SUSD1: variants seen among roughly 807,000 people sequenced by gnomAD.
SUSD1 encodes sushi domain containing 1, also known as sushi domain-containing protein 1.
Under a neutral mutation model 86.9 loss-of-function variants are expected in SUSD1, and 65 were observed. The ratio of observed to expected loss-of-function variants is 0.75; its 90% CI spans 0.61 to 0.92. SUSD1 has a LOEUF of 0.92. Among genes scored for constraint, SUSD1 ranks in the 40% least tolerant of loss-of-function variants. The pLI, the probability that SUSD1 is intolerant of heterozygous loss-of-function variation, is 0.00. For missense variants in SUSD1, 850 were observed against 929.7 expected, an observed-to-expected ratio of 0.91 and a Z score of 1.11; for synonymous variants, 346 against 350.0, an observed-to-expected ratio of 0.99 and a Z score of 0.13.
Position 112,069,051 on chromosome 9 carries a change from A to G in SUSD1, c.1754-6018T>C, listed in dbSNP as rs762565960. On this transcript the variant is annotated intron_variant, in intron 12 of 16. Transcript: ENST00000374270. ...AAACATAGGTCTGGAGCCTAGGAGC[A>G]AACCCCATGGTGGAGATACAGAGGC... Among the ~76,000 whole-genome samples, 121 of 152,156 alleles carry G rather than the reference A, an allele frequency of 8.0e-4. 1 individual carries two copies. The highest frequency in any genetic ancestry group is 3.2e-3 in the Middle Eastern group (1 of 316).
At position 112,049,426 on chromosome 9, in the gene SUSD1, A is replaced by G. The variant is rs565881787; in HGVS notation, c.2149+2973T>C. Among the ~76,000 whole-genome samples, 9 of 152,334 alleles carry G rather than the reference A, an allele frequency of 5.9e-5. No individual in the cohort carries two copies. In the South Asian group the frequency reaches 1.9e-3, roughly 32 times the overall value. ...CGACTGAGAACTGGCCAAGTTAAAT[A>G]CTATTTCAAAGACACTTGGCTGATT... is the stretch of plus-strand genomic sequence containing the variant. On this transcript the variant is annotated intron_variant, in intron 15 of 16. Coordinates refer to ENST00000374270, the MANE Select transcript of SUSD1 (RefSeq NM_022486.5).
At chr9:112,152,911 C>T (rs1422454958) in intron 2 of SUSD1, among the ~76,000 whole-genome samples, 2 of 147,688 alleles carry the variant, frequency 1.4e-5, no homozygotes, top group Non-Finnish European at 3.0e-5. Flanking sequence ...CCTGCCACCA[C>T]ACCTGGCTAA....
chr9:112,143,612 A>C lies in SUSD1; in HGVS notation c.385T>G (p.Cys129Gly). Residue 129 changes from cysteine to glycine, a missense_variant, in exon 4 of 17, where the codon TGT (cysteine) becomes GGT (glycine). Transcript: ENST00000374270. Reference sequence around the variant, plus strand: ...TGCCTGCACAGGCCAGAAACTTCACACTCATCTATGTCTTGGGACCCAATC... The same window carrying C: ...TGCCTGCACAGGCCAGAAACTTCACCCTCATCTATGTCTTGGGACCCAATC... ...DGTFCTDIDE[C>G]EVSGLCRHGG... The C allele has an allele frequency of 6.2e-7, 1 of 1,613,072 alleles. No individual in the cohort carries two copies. Among genetic ancestry groups the C allele is most frequent in the Non-Finnish European group, 8.5e-7 (1 of 1,179,670 alleles).
intron 7 of SUSD1, 37 bp from the exon 8 acceptor site, chr9:112,111,877 C>A (rs773178855): frequency 6.3e-7 from 1 of 1,599,386 alleles, no homozygotes; most frequent in South Asian, 1.1e-5. Flanking sequence ...CACTCTGACT[C>A]CAGTCAAAAC....
chr9:112,115,676 G>A (rs1831281989), intron 6 of SUSD1, among the ~76,000 whole-genome samples: 1 of 151,768 alleles, frequency 6.6e-6, no homozygotes. Flanking sequence ...AAGCGTGGTG[G>A]TACATACCTA....
chr9:112,088,376 T>G (rs974938420), intron 10 of SUSD1, among the ~76,000 whole-genome samples: 3 of 152,084 alleles, frequency 2.0e-5, no homozygotes, highest in Non-Finnish European at 4.4e-5. Context: ...GTAGAAATAA[T>G]GCAACTGAAA....
intron 6 of SUSD1, among the ~76,000 whole-genome samples, chr9:112,122,830 G>A (rs1211958803): frequency 6.6e-6 from 1 of 152,190 alleles, no homozygotes; most frequent in Non-Finnish European, 1.5e-5. Context: ...CAACATGGAT[G>A]TATCTTAAAG....
chr9:112,079,895 C>A (rs868713408), intron 11 of SUSD1, among the ~76,000 whole-genome samples, 179 bp downstream of exon 11: 1 of 152,162 alleles, frequency 6.6e-6, no homozygotes. Context: ...AGCCACTGTG[C>A]CCAGCCACTG....
intron 4 of SUSD1, 26 bp downstream of exon 4, chr9:112,143,445 T>A (rs756877430): frequency 6.2e-7 from 1 of 1,609,208 alleles, no homozygotes. Flanking sequence ...CACGTTGAGA[T>A]GCCGCAATTT....
intron 6 of SUSD1, among the ~76,000 whole-genome samples, chr9:112,121,124 T>C (rs1831537524): frequency 6.6e-6 from 1 of 152,230 alleles, no homozygotes; most frequent in Non-Finnish European, 1.5e-5. Context: ...TGGTGTCAGT[T>C]ACACGTTTGC....
chr9:112,069,612 A>T (rs1484348132), intron 12 of SUSD1, among the ~76,000 whole-genome samples: 1 of 152,142 alleles, frequency 6.6e-6, no homozygotes, highest in Admixed American at 6.5e-5. Flanking sequence ...TTTTTTTATT[A>T]CGTGTCTCCT....
chr9:112,115,824 G>GAAAAAAAAAAGAA (rs11269025), intron 6 of SUSD1, among the ~76,000 whole-genome samples: 3 of 120,952 alleles, frequency 2.5e-5, no homozygotes, highest in Admixed American at 9.9e-5. Flanking sequence ...AAAAAAAAAA[G>GAAAAAAAAAAGAA]AAAAAAAAAA....
At chr9:112,168,966 A>G (rs930852536) in intron 1 of SUSD1, among the ~76,000 whole-genome samples, 4 of 152,208 alleles carry the variant, frequency 2.6e-5, no homozygotes, top group Non-Finnish European at 5.9e-5. Context: ...AAATAAGCCA[A>G]CGGGGCCCAA....
chr9:112,044,218 G>C (rs78023310), intron 15 of SUSD1, among the ~76,000 whole-genome samples: 3,021 of 152,298 alleles, frequency 0.02, 103 homozygotes, highest in African/African-American at 0.068. Flanking sequence ...TATTAGAATA[G>C]GAATGAATAC....
At chr9:112,055,071 C>T (rs1249209320) in intron 14 of SUSD1, among the ~76,000 whole-genome samples, 2 of 152,166 alleles carry the variant, frequency 1.3e-5, no homozygotes, top group African/African-American at 4.8e-5. Flanking sequence ...GGCCGATTAG[C>T]CCATGAAAAC....
chr9:112,161,088 C>G (rs1462036309), intron 1 of SUSD1, among the ~76,000 whole-genome samples: 1 of 152,062 alleles, frequency 6.6e-6, no homozygotes, highest in Admixed American at 6.6e-5. Flanking sequence ...TTCATAATGA[C>G]ATGCAGGGCC....
At chr9:112,138,242 T>TAC (rs374164518) in intron 5 of SUSD1, among the ~76,000 whole-genome samples, 1 of 34,068 alleles carries the variant, frequency 2.9e-5, no homozygotes, top group African/African-American at 1.1e-4. Context: ...AATGTGTATA[T>TAC]ATATATATAT....
intron 3 of SUSD1, among the ~76,000 whole-genome samples, chr9:112,146,879 T>C (rs700097): frequency 0.11 from 16,155 of 152,268 alleles, 1,131 homozygotes; most frequent in East Asian, 0.2. Context: ...GAAGTGATCC[T>C]CCAGCCTTGG....
At chr9:112,086,088 G>A (rs1829962315) in intron 10 of SUSD1, among the ~76,000 whole-genome samples, 2 of 152,060 alleles carry the variant, frequency 1.3e-5, no homozygotes, top group Non-Finnish European at 2.9e-5. Flanking sequence ...AGGATTGCTT[G>A]AGCCCAGGAG....
Sources: allele counts gnomAD v4.1 joint callset (sites outside exome capture counted in the v4.1 genomes callset), GRCh38; gene constraint gnomAD v4.1.1; transcripts MANE v1.5; gene names NCBI Gene and HGNC (gene_info 2026-07-23, HGNC 2026-07-21).